DNAJC17: variants seen among roughly 807,000 people sequenced by gnomAD.
The protein encoded by DNAJC17 is dnaJ homolog subfamily C member 17.
A neutral mutation model predicts 48.1 loss-of-function variants in DNAJC17; 35 were observed. That is an observed-to-expected ratio of 0.73 (90% confidence interval 0.56 to 0.96). The LOEUF is 0.96. DNAJC17 is among the 50% of genes least tolerant of loss of function. The pLI, the probability that DNAJC17 is intolerant of heterozygous loss-of-function variation, is 0.00. For missense variants in DNAJC17, 355 were observed against 377.1 expected (o/e 0.94, Z 0.48); for synonymous variants, 117 against 142.7 (o/e 0.82, Z 1.28).
At chr15:40,779,520 T>C (rs1269955544) in intron 3 of DNAJC17, 25 bp downstream of exon 3, 1 of 1,613,832 alleles carries the variant, frequency 6.2e-7, no homozygotes, top group African/African-American at 1.3e-5. Context: ...TGGGGGACGA[T>C]TCCGATGAAG....
At chr15:40,799,154 G>A (rs1640783719) in intron 1 of DNAJC17, among the ~76,000 whole-genome samples, 1 of 151,164 alleles carries the variant, frequency 6.6e-6, no homozygotes. Flanking sequence ...GAACCCGGGA[G>A]GCAGAGCTTG....
rs543225693 is a variant in DNAJC17 at position 40,769,656 on chromosome 15, G to A, written c.793-1594C>T. ...CAGGTCTCTTCCTTCCCCAACAATC[G>A]TTCCACACGCCTGCCTTTCAATTAA... On this transcript the variant is annotated intron_variant, in intron 10 of 10. Transcript: ENST00000220496. This position sits in a 1 kb window ranked among gnomAD's most constrained non-coding sequence, Gnocchi z 4.2. Among the ~76,000 whole-genome samples, 3 of 152,258 alleles carry A rather than the reference G, an allele frequency of 2.0e-5. No individual in the cohort carries two copies. The highest frequency in any genetic ancestry group is 4.4e-5 in the Non-Finnish European group (3 of 68,010).
intron 8 of DNAJC17, among the ~76,000 whole-genome samples, chr15:40,774,710 G>A (rs947116805): frequency 1.3e-5 from 2 of 152,260 alleles, no homozygotes; most frequent in East Asian, 1.9e-4. Flanking sequence ...CTAGTTGAAC[G>A]TGGTGAAAAG....
At chr15:40,793,871 C>T (rs1566829076) in intron 1 of DNAJC17, among the ~76,000 whole-genome samples, 2 of 152,084 alleles carry the variant, frequency 1.3e-5, no homozygotes, top group Admixed American at 6.6e-5. Flanking sequence ...TAAATATTTG[C>T]TCCAGGTCAC....
At chr15:40,772,046 G>A (rs1192627193) in intron 10 of DNAJC17, 1 of 167,056 alleles carries the variant, frequency 6.0e-6, no homozygotes, top group Non-Finnish European at 1.5e-5. Context: ...AGCCCTGGCA[G>A]GTTTCCTTCC....
In DNAJC17 at chr15:40,767,112, C is replaced by A; in HGVS notation, c.*828G>T. 1 of 1,136,156 alleles carries A rather than the reference C, an allele frequency of 8.8e-7. No homozygotes were observed. The highest frequency in any genetic ancestry group is 1.2e-6 in the Non-Finnish European group (1 of 843,978). 70.4% of individuals were successfully genotyped at this position (1,136,156 alleles called of 1,614,324 possible). On this transcript the variant is annotated 3_prime_UTR_variant, in exon 11 of 11. Transcript: ENST00000220496. Reference sequence around the variant, plus strand: ...ACTTACCCCAGCGCCCAGCAAGCAGCCAGCAAGTGTGAGTCACTACAAGAG... The same window carrying A: ...ACTTACCCCAGCGCCCAGCAAGCAGACAGCAAGTGTGAGTCACTACAAGAG...
At chr15:40,802,629 G>A (rs1359639475) in intron 1 of DNAJC17, among the ~76,000 whole-genome samples, 1 of 152,124 alleles carries the variant, frequency 6.6e-6, no homozygotes, top group African/African-American at 2.4e-5. Context: ...GCTGGACAGG[G>A]CCAGGGAGCC....
intron 4 of DNAJC17, among the ~76,000 whole-genome samples, chr15:40,778,577 A>G (rs906359440): frequency 2.0e-5 from 3 of 152,124 alleles, no homozygotes; most frequent in Non-Finnish European, 2.9e-5. Flanking sequence ...CTCACACTGG[A>G]TAAGTTTAAA....
chr15:40,779,789 G>T, intron 2 of DNAJC17, 139 bp downstream of exon 2: 1 of 1,135,306 alleles, frequency 8.8e-7, no homozygotes, highest in Non-Finnish European at 1.3e-6. Context: ...CTCACAGGAG[G>T]GAAGCCCTGG....
rs1201235872 is a variant in DNAJC17, at chr15:40,770,887, C to T, written c.793-2825G>A. On this transcript the variant is annotated intron_variant, in intron 10 of 10. Transcript: ENST00000220496. The surrounding 1 kb of genome is among the most constrained non-coding windows in gnomAD (Gnocchi z 5.0). ...CACTCAGAGAAGGGCCTTGTGGACA[C>T]TCCCTGCTTCCAGAGGACACCTACC... 1 of 1,551,558 alleles carries T rather than the reference C, an allele frequency of 6.4e-7. No individual in the cohort carries two copies. The highest frequency in any genetic ancestry group is 2.4e-5 in the East Asian group (1 of 40,924).
At position 40,767,660 on chromosome 15, in the gene DNAJC17, C is replaced by T. The variant is rs111641803; in HGVS notation, c.*280G>A. On this transcript the variant is annotated 3_prime_UTR_variant, in exon 11 of 11. Coordinates refer to ENST00000220496, the MANE Select transcript of DNAJC17 (RefSeq NM_018163.3). ...GCTGGGCACTCCAGCGGCCCTGGCGCGTGGCTCCTGCATAGCTAGCCCAAG... is the reference window on the plus strand; with the variant it reads ...GCTGGGCACTCCAGCGGCCCTGGCGTGTGGCTCCTGCATAGCTAGCCCAAG... 5,192 of 586,148 alleles carry T rather than the reference C, an allele frequency of 8.9e-3. 31 individuals are homozygous for T. The highest frequency in any genetic ancestry group is 0.028 in the Middle Eastern group (62 of 2,200). The allele number at this position is 586,148 out of a possible 1,614,324, so 36.3% of individuals were successfully genotyped here.
In DNAJC17 at chr15:40,769,458, T is replaced by C. The variant is rs1889058065; in HGVS notation, c.793-1396A>G. Among the ~76,000 whole-genome samples, 1 of 152,238 alleles carries C rather than the reference T, an allele frequency of 6.6e-6. No individual in the cohort carries two copies. The stretch of plus-strand genomic sequence containing the variant: ...ACATCTCCCATCCCCAGGTTAATGC[T>C]GCTCTGCCAAGAAAACTTGGAGCCA... On this transcript the variant is annotated intron_variant, in intron 10 of 10. Coordinates refer to ENST00000220496, the MANE Select transcript of DNAJC17 (RefSeq NM_018163.3). This position sits in a 1 kb window ranked among gnomAD's most constrained non-coding sequence, Gnocchi z 4.2.
intron 1 of DNAJC17, among the ~76,000 whole-genome samples, chr15:40,804,705 G>C (rs1488154511): frequency 2.0e-5 from 3 of 152,174 alleles, no homozygotes; most frequent in Non-Finnish European, 4.4e-5. Flanking sequence ...TTCAGGGTTA[G>C]AAACTCTAGA....
At chr15:40,791,974 A>G (rs1889819510) in intron 1 of DNAJC17, among the ~76,000 whole-genome samples, 1 of 152,246 alleles carries the variant, frequency 6.6e-6, no homozygotes, top group Admixed American at 6.5e-5. Flanking sequence ...GGCACACTTC[A>G]GATCCAGAAA....
Position 40,787,385 on chromosome 15 carries a change from A to G in DNAJC17, c.79-7388T>C, listed in dbSNP as rs951139014. On this transcript the variant is annotated intron_variant, in intron 1 of 10. Transcript: ENST00000220496. ...AACCAAAACACAATCGGAAACCTCA[A>G]CTATGTCAATTACTTCAGACCCACT... Among the ~76,000 whole-genome samples, 8 of 152,228 alleles carry G rather than the reference A, an allele frequency of 5.3e-5. No individual in the cohort carries two copies. In the South Asian group the frequency reaches 8.3e-4, roughly 16 times the overall value.
rs1389439125 is a variant in DNAJC17, at chr15:40,770,961, T to C, written c.792+2766A>G. 6.4e-7 allele frequency: 1 copy of C among 1,551,404 alleles called. No homozygotes were observed. Among genetic ancestry groups the C allele is most frequent in the Admixed American group, 2.0e-5 (1 of 51,008 alleles). ...CTCCTTCAAAGTGGACCTGGGGATT[T>C]CACTTCTTGAGGAAGTTCTGCAGAT... On this transcript the variant is annotated intron_variant, in intron 10 of 10. Transcript: ENST00000220496. This position sits in a 1 kb window ranked among gnomAD's most constrained non-coding sequence, Gnocchi z 5.0.
At chr15:40,793,115 G>A (rs111330839) in intron 1 of DNAJC17, among the ~76,000 whole-genome samples, 6,981 of 151,802 alleles carry the variant, frequency 0.046, 535 homozygotes, top group African/African-American at 0.16. Flanking sequence ...GGATGGTCTC[G>A]ATCTCCTGAC....
chr15:40,787,189 G>A (rs1889663464), intron 1 of DNAJC17, among the ~76,000 whole-genome samples: 1 of 152,204 alleles, frequency 6.6e-6, no homozygotes, highest in Non-Finnish European at 1.5e-5. Context: ...TTAAATGAGA[G>A]CATAAGGGTA....
At chr15:40,774,869 A>T in intron 8 of DNAJC17, 162 bp downstream of exon 8, 1 of 715,892 alleles carries the variant, frequency 1.4e-6, no homozygotes, top group Admixed American at 2.6e-5. Context: ...GCAAGGCTGT[A>T]GCCTGGGGAG....
Sources: allele counts gnomAD v4.1 joint callset (sites outside exome capture counted in the v4.1 genomes callset), GRCh38; gene constraint gnomAD v4.1.1; non-coding constraint Gnocchi (gnomAD v3.1); transcripts MANE v1.5; gene names NCBI Gene and HGNC (gene_info 2026-07-23, HGNC 2026-07-21).